OTOGL: variants seen among roughly 807,000 people sequenced by gnomAD.
OTOGL encodes the protein otogelin like.
OTOGL carries 285 observed loss-of-function variants against 318.5 expected under a neutral mutation model. The ratio of observed to expected loss-of-function variants is 0.89; its 90% CI spans 0.81 to 0.99. OTOGL has a LOEUF of 0.99. OTOGL is among the 50% of genes least tolerant of loss of function. OTOGL has a pLI of 0.00. For missense variants in OTOGL, 2,899 were observed against 2,845.6 expected (o/e 1.02, Z -0.43); for synonymous variants, 987 against 936.5 (o/e 1.05, Z -0.99).
At chr12:80,222,746 T>C (rs1878467857) in intron 7 of OTOGL, among the ~76,000 whole-genome samples, 1 of 152,184 alleles carries the variant, frequency 6.6e-6, no homozygotes, top group Non-Finnish European at 1.5e-5. Context: ...TTTCAATCAC[T>C]ACCAGGAAAC....
intron 1 of OTOGL, among the ~76,000 whole-genome samples, chr12:80,147,476 T>A (rs1406908257): frequency 6.6e-6 from 1 of 151,334 alleles, no homozygotes; most frequent in Non-Finnish European, 1.5e-5. Context: ...TACTTCCAAG[T>A]ATGTGGTCAA....
intron 29 of OTOGL, among the ~76,000 whole-genome samples, chr12:80,308,703 G>C (rs1283672208): frequency 6.6e-5 from 10 of 152,212 alleles, no homozygotes; most frequent in African/African-American, 2.4e-4. Flanking sequence ...ACGAGACTCC[G>C]TCTGCAATCC....
At chr12:80,178,958 C>T (rs896221084) in intron 1 of OTOGL, among the ~76,000 whole-genome samples, 7 of 152,208 alleles carry the variant, frequency 4.6e-5, no homozygotes, top group Middle Eastern at 3.4e-3. Flanking sequence ...AGTAGAGAAT[C>T]GGAATATAAT....
At chr12:80,249,850 T>C (rs1881338192) in intron 11 of OTOGL, among the ~76,000 whole-genome samples, 1 of 152,100 alleles carries the variant, frequency 6.6e-6, no homozygotes, top group Non-Finnish European at 1.5e-5. Context: ...GAGGCAGGTG[T>C]GGGATATAGT....
At chr12:80,298,242 T>C (rs1343617057) in intron 27 of OTOGL, among the ~76,000 whole-genome samples, 3 of 152,164 alleles carry the variant, frequency 2.0e-5, no homozygotes, top group Non-Finnish European at 4.4e-5. Context: ...TAGGAATTTA[T>C]GTAGGATAAT....
chr12:80,249,484 A>T (rs11503508), intron 11 of OTOGL, among the ~76,000 whole-genome samples: 6,761 of 151,216 alleles, frequency 0.045, 507 homozygotes, highest in African/African-American at 0.16. Flanking sequence ...CTCGGGGGTC[A>T]GGGGTCAGGG....
At chr12:80,303,327 T>C (rs1885898216) in intron 28 of OTOGL, among the ~76,000 whole-genome samples, 1 of 152,120 alleles carries the variant, frequency 6.6e-6, no homozygotes, top group African/African-American at 2.4e-5. Context: ...GGCTAATTTT[T>C]TGTATTTTTA....
intron 45 of OTOGL, 111 bp from the exon 46 acceptor site, chr12:80,353,214 C>T: frequency 1.1e-6 from 1 of 930,176 alleles, no homozygotes; most frequent in Non-Finnish European, 1.5e-6. Flanking sequence ...TTTGAAGAGA[C>T]TAAAATTTGC....
chr12:80,137,483 T>A (rs1006674267), intron 1 of OTOGL, among the ~76,000 whole-genome samples: 5 of 152,202 alleles, frequency 3.3e-5, no homozygotes, highest in Admixed American at 3.3e-4. Context: ...CCAAATTAGA[T>A]GTTTGACCCA....
At chr12:80,293,737 A>T (rs746231763) in intron 26 of OTOGL, among the ~76,000 whole-genome samples, 3 of 151,902 alleles carry the variant, frequency 2.0e-5, no homozygotes, top group Non-Finnish European at 4.4e-5. Context: ...TTCCTGCAAA[A>T]CATTAAAAAA....
rs35106580 is a variant in OTOGL, at chr12:80,368,390, C to CCA, written c.6615+89_6615+90dup. On this transcript the variant is annotated intron_variant, in intron 55 of 58. Coordinates refer to ENST00000547103, the MANE Select transcript of OTOGL (RefSeq NM_001378609.3). Reference sequence around the variant, plus strand: ...GTCAAAGTTTGGAAAATGTCCCCCCCCACACACACTGCACTGCATACAATA... The same window carrying CCA: ...GTCAAAGTTTGGAAAATGTCCCCCCCCACACACACACTGCACTGCATACAATA... 9.9e-4 allele frequency: 868 copies of CCA among 881,054 alleles called. 3 individuals are homozygous for CCA. The highest frequency in any genetic ancestry group is 7.8e-3 in the East Asian group (284 of 36,286). 54.6% of individuals were successfully genotyped at this position (881,054 alleles called of 1,614,324 possible).
chr12:80,234,262 C>T (rs1879643240), intron 9 of OTOGL, among the ~76,000 whole-genome samples: 1 of 152,076 alleles, frequency 6.6e-6, no homozygotes, highest in Non-Finnish European at 1.5e-5. Context: ...GGTGATGTGT[C>T]CAATGTAACA....
chr12:80,100,249 T>G (rs1869057791), intron 1 of OTOGL, among the ~76,000 whole-genome samples: 1 of 152,178 alleles, frequency 6.6e-6, no homozygotes, highest in African/African-American at 2.4e-5. Flanking sequence ...AATTCTACTC[T>G]TTTAGTTATT....
intron 9 of OTOGL, among the ~76,000 whole-genome samples, chr12:80,233,366 C>T (rs1221266954): frequency 3.9e-5 from 6 of 152,286 alleles, no homozygotes; most frequent in Non-Finnish European, 5.9e-5. Flanking sequence ...GTCAGAAGGT[C>T]GGGATACCTC....
chr12:80,197,768 G>A (rs572182642), intron 1 of OTOGL, among the ~76,000 whole-genome samples: 40 of 152,342 alleles, frequency 2.6e-4, no homozygotes, highest in South Asian at 1.4e-3. Flanking sequence ...CCGCAGAGGC[G>A]TGTGGTGGCA....
intron 34 of OTOGL, among the ~76,000 whole-genome samples, chr12:80,322,214 C>G (rs1327042216): frequency 2.0e-5 from 3 of 152,172 alleles, no homozygotes; most frequent in Non-Finnish European, 4.4e-5. Context: ...AAAGGAACCA[C>G]TGACATATCT....
chr12:80,276,860 A>G (rs960965614), intron 24 of OTOGL, among the ~76,000 whole-genome samples: 9 of 151,610 alleles, frequency 5.9e-5, no homozygotes, highest in Admixed American at 2.0e-4. Flanking sequence ...AGTCTAGTGG[A>G]CAGCATATAC....
At chr12:80,116,756 G>A (rs530533021) in intron 1 of OTOGL, among the ~76,000 whole-genome samples, 1 of 152,100 alleles carries the variant, frequency 6.6e-6, no homozygotes, top group African/African-American at 2.4e-5. Context: ...TTACCACCTG[G>A]TATCAAATGC....
chr12:80,357,036 T>C (rs1159147546), intron 49 of OTOGL, 122 bp downstream of exon 49: 5 of 508,352 alleles, frequency 9.8e-6, no homozygotes, highest in Non-Finnish European at 1.7e-5. Context: ...AGAATTCAAC[T>C]GAATGAGAAC....
Sources: allele counts gnomAD v4.1 joint callset (sites outside exome capture counted in the v4.1 genomes callset), GRCh38; gene constraint gnomAD v4.1.1; transcripts MANE v1.5; gene names NCBI Gene and HGNC (gene_info 2026-07-23, HGNC 2026-07-21).